The following G2E3 variants were observed in gnomAD, a reference collection of about 807,000 sequenced individuals.
The protein encoded by G2E3 is G2/M-phase specific E3 ubiquitin protein ligase.
In G2E3, 35 loss-of-function variants were observed where a neutral mutation model predicts 92.8. The ratio of observed to expected loss-of-function variants is 0.38; its 90% CI spans 0.29 to 0.50. The LOEUF is 0.50. Ranked by LOEUF, G2E3 falls within the 20% of genes least tolerant of loss-of-function variation. The pLI, the probability that G2E3 is intolerant of heterozygous loss-of-function variation, is 0.94. For missense variants in G2E3, 554 were observed against 823.8 expected, an observed-to-expected ratio of 0.67 and a Z score of 4.01; for synonymous variants, 242 against 272.4, an observed-to-expected ratio of 0.89 and a Z score of 1.10.
At chr14:30,561,656 C>G (rs1879108735) in intron 1 of G2E3, among the ~76,000 whole-genome samples, 1 of 152,202 alleles carries the variant, frequency 6.6e-6, no homozygotes, top group African/African-American at 2.4e-5. Context: ...TTAAAGACTT[C>G]TCCAGGCTGT....
intron 6 of G2E3, among the ~76,000 whole-genome samples, chr14:30,596,610 C>A (rs1198553633): frequency 6.6e-6 from 1 of 152,166 alleles, no homozygotes; most frequent in Admixed American, 6.6e-5. Context: ...AACCCTCTGA[C>A]ATAATTATCA....
At position 30,602,082 on chromosome 14, in the gene G2E3, C is replaced by T; in HGVS notation, c.961C>T (p.Pro321Ser). Reference protein sequence around the residue: ...ITDCLLEESSPKLPRQSPGSQ... With the variant: ...ITDCLLEESSSKLPRQSPGSQ... ...AGATTGTTTGTTGGAAGAGTCATCA[C>T]CTAAATTACCCAGACAGTCACCTGG... The change falls in exon 10 of 15, where the codon CCT (proline) becomes TCT (serine). Residue 321 changes from proline to serine, a missense_variant. By Grantham distance (74) the Pro-to-Ser change is moderately conservative. Around this residue, in one of 3 missense-constraint regions of G2E3, gnomAD observed 397 missense variants for 560.3 expected, o/e 0.71. Coordinates refer to ENST00000206595, the MANE Select transcript of G2E3 (RefSeq NM_017769.5). 1 of 1,610,910 alleles carries T rather than the reference C, an allele frequency of 6.2e-7. No homozygotes were observed. The highest frequency in any genetic ancestry group is 1.1e-5 in the South Asian group (1 of 90,992).
rs753270402 is a variant in G2E3 at position 30,593,671 on chromosome 14, T to C, written c.528+32T>C. ...TACATATTTTGTAAGCTTTCTCTGA[T>C]TGATATAAAATTATGGCTTGCTGAT... On this transcript the variant is annotated intron_variant, in intron 6 of 14. Coordinates refer to ENST00000206595, the MANE Select transcript of G2E3 (RefSeq NM_017769.5). The C allele has an allele frequency of 3.4e-6, 5 of 1,476,818 alleles. No homozygotes were observed. The East Asian group carries it at 1.1e-4, about 34-fold the overall frequency. 91.5% of individuals were successfully genotyped at this position (1,476,818 alleles called of 1,614,324 possible).
chr14:30,563,695 TTG>T (rs56029424), intron 1 of G2E3, among the ~76,000 whole-genome samples: 16,602 of 140,992 alleles, frequency 0.12, 1,196 homozygotes, highest in Admixed American at 0.25. Flanking sequence ...TTTGTTACTT[TTG>T]TGTGTGTGTG....
At chr14:30,596,135 CGTGTGTGTGTGTGT>C (rs59672554) in intron 6 of G2E3, among the ~76,000 whole-genome samples, 4 of 127,186 alleles carry the variant, frequency 3.1e-5, no homozygotes, top group South Asian at 2.7e-4. Context: ...GGTGGGTGTG[CGTGTGTGTGTGTGT>C]GTGTGTGTGT....
intron 8 of G2E3, among the ~76,000 whole-genome samples, chr14:30,601,237 C>G (rs1881554000): frequency 6.6e-6 from 1 of 152,204 alleles, no homozygotes; most frequent in Non-Finnish European, 1.5e-5. Context: ...TGAATATGGA[C>G]TGGCATACAC....
chr14:30,562,342 T>A (rs1879151603), intron 1 of G2E3, among the ~76,000 whole-genome samples: 1 of 152,092 alleles, frequency 6.6e-6, no homozygotes, highest in African/African-American at 2.4e-5. Context: ...TCCAATATTA[T>A]AATAATCCTC....
intron 1 of G2E3, among the ~76,000 whole-genome samples, chr14:30,570,650 A>T (rs967597442): frequency 2.0e-5 from 3 of 152,020 alleles, no homozygotes; most frequent in Admixed American, 6.6e-5. Flanking sequence ...TATTTCAGTT[A>T]TTGTACTTTT....
intron 2 of G2E3, 80 bp downstream of exon 2, chr14:30,581,196 T>C (rs1880411866): frequency 1.2e-5 from 9 of 776,630 alleles, no homozygotes. Flanking sequence ...TGAAGAGGAA[T>C]GAATTCCCTG....
At chr14:30,580,797 G>A (rs886895096) in intron 1 of G2E3, 1 of 332,656 alleles carries the variant, frequency 3.0e-6, no homozygotes, top group South Asian at 3.7e-5. Context: ...TTGGAGCATT[G>A]CAAGATGTCC....
chr14:30,582,898 A>G (rs1190335705), intron 2 of G2E3, among the ~76,000 whole-genome samples: 1 of 152,184 alleles, frequency 6.6e-6, no homozygotes, highest in Admixed American at 6.5e-5. Context: ...TCTAGAATCT[A>G]TTTGGTGAGC....
intron 12 of G2E3, chr14:30,611,963 C>T: frequency 3.1e-6 from 1 of 324,212 alleles, no homozygotes; most frequent in South Asian, 4.5e-5. Context: ...CAGTTATTTC[C>T]TTTTTTATAA....
intron 3 of G2E3, among the ~76,000 whole-genome samples, chr14:30,587,676 A>G (rs1474267303): frequency 6.6e-6 from 1 of 151,996 alleles, no homozygotes; most frequent in East Asian, 1.9e-4. Context: ...TTTGGCCTCA[A>G]TTTCTCCTAG....
At chr14:30,599,353 G>C (rs868242549) in intron 8 of G2E3, among the ~76,000 whole-genome samples, 1 of 152,028 alleles carries the variant, frequency 6.6e-6, no homozygotes, top group African/African-American at 2.4e-5. Context: ...TCAGCCTCCC[G>C]AGTAGTTGGG....
intron 8 of G2E3, 121 bp from the exon 9 acceptor site, chr14:30,601,649 T>A (rs1881572184): frequency 1.0e-5 from 9 of 885,342 alleles, no homozygotes; most frequent in Non-Finnish European, 1.6e-5. Context: ...CTTCCTTTAG[T>A]AAATCGATTG....
At chr14:30,603,319 C>G (rs1402409509) in intron 10 of G2E3, among the ~76,000 whole-genome samples, 1 of 143,586 alleles carries the variant, frequency 7.0e-6, no homozygotes, top group Non-Finnish European at 1.5e-5. Context: ...AGCCGAGACT[C>G]TGTCTCAAAA....
intron 1 of G2E3, among the ~76,000 whole-genome samples, chr14:30,565,310 T>C (rs1879361683): frequency 6.6e-6 from 1 of 152,178 alleles, no homozygotes; most frequent in African/African-American, 2.4e-5. Flanking sequence ...ATTTTTAAGT[T>C]GGATTACTTG....
Position 30,597,403 on chromosome 14 carries a change from T to C in G2E3, c.529-17T>C, listed in dbSNP as rs1317136303. On this transcript the variant is annotated splice_polypyrimidine_tract_variant and intron_variant, in intron 6 of 14. Transcript: ENST00000206595. ...GATTTAAATCATTAACAGTAGACTT[T>C]TTATTTTCCACTGTAGGTTCAAGCA... 1.6e-6 allele frequency: 2 copies of C among 1,283,984 alleles called. No homozygotes were observed. Among genetic ancestry groups the C allele is most frequent in the Admixed American group, 1.7e-5 (1 of 59,384 alleles). 79.5% of individuals were successfully genotyped at this position (1,283,984 alleles called of 1,614,324 possible).
chr14:30,595,731 A>C (rs1457209858), intron 6 of G2E3, among the ~76,000 whole-genome samples: 1 of 152,220 alleles, frequency 6.6e-6, no homozygotes, highest in Admixed American at 6.5e-5. Flanking sequence ...ATCGGTCTTA[A>C]CTGAAATAAC....
Sources: gnomAD v4.1 joint callset for allele counts (sites outside exome capture counted in the v4.1 genomes callset) on GRCh38, gnomAD v4.1.1 for gene constraint, gnomAD v4.1.1 regional missense constraint, MANE v1.5 for transcripts, NCBI Gene and HGNC (gene_info 2026-07-23, HGNC 2026-07-21) for gene names.